Variants in IL1RAPL2 observed in about 807,000 individuals in gnomAD.
IL1RAPL2 encodes X-linked interleukin-1 receptor accessory protein-like 2.
In IL1RAPL2, 3 loss-of-function variants were observed where a neutral mutation model predicts 44.1. The ratio of observed to expected loss-of-function variants is 0.07; its 90% confidence interval spans 0.03 to 0.18. The LOEUF (loss-of-function observed/expected upper bound fraction) is 0.18. IL1RAPL2 is among the 10% of genes least tolerant of loss of function. The probability of loss-of-function intolerance (pLI) is 1.00; values close to 1 mark genes in which losing one functional copy is unlikely to be tolerated. For missense variants in IL1RAPL2, 391 were observed against 496.4 expected (o/e 0.79, Z 2.02); for synonymous variants, 181 against 178.8 (o/e 1.01, Z -0.10).
At chrX:104,752,280 AGTGT>A (rs754089849) in intron 2 of IL1RAPL2, among the ~76,000 whole-genome samples, 2,302 of 106,053 alleles carry the variant, frequency 0.022, 29 homozygotes, top group Non-Finnish European at 0.033. Context: ...TTGGCGTGAG[AGTGT>A]GTGTGTGTGT....
chrX:105,269,415 A>G lies in IL1RAPL2; in HGVS notation c.697+1874A>G, dbSNP rs140923076. ...TATTTTTAATAAACTAATATATAAT[A>G]TACATATATATTACTTCACTCTCTG... On this transcript the variant is annotated intron_variant, in intron 5 of 10. Transcript: ENST00000372582. Among the ~76,000 whole-genome samples, 494 of 110,636 alleles carry G rather than the reference A, an allele frequency of 4.5e-3. 5 individuals carry two copies. Among genetic ancestry groups the G allele is most frequent in the African/African-American group, 0.015 (462 of 30,620 alleles).
At chrX:105,075,141 C>T (rs1212704488) in intron 2 of IL1RAPL2, among the ~76,000 whole-genome samples, 7 of 110,999 alleles carry the variant, frequency 6.3e-5, no homozygotes, top group Non-Finnish European at 5.7e-5. Context: ...GGAATGCTTC[C>T]AGTTTTTGCC....
chrX:104,969,878 G>A (rs2030198683), intron 2 of IL1RAPL2, among the ~76,000 whole-genome samples: 1 of 111,452 alleles, frequency 9.0e-6, no homozygotes, highest in Non-Finnish European at 1.9e-5. Context: ...AAGCTTTTGT[G>A]AAATTGTGTA....
intron 6 of IL1RAPL2, among the ~76,000 whole-genome samples, chrX:105,553,020 A>G (rs2036869847): frequency 8.9e-6 from 1 of 111,896 alleles, no homozygotes; most frequent in African/African-American, 3.3e-5. Flanking sequence ...AGTAAGAAAA[A>G]AATTGTAAGA....
intron 5 of IL1RAPL2, among the ~76,000 whole-genome samples, chrX:105,362,049 T>C (rs2035251750): frequency 8.9e-6 from 1 of 111,972 alleles, no homozygotes; most frequent in East Asian, 2.8e-4. Flanking sequence ...ATTATGTCAT[T>C]TGCTGAATTC....
intron 2 of IL1RAPL2, among the ~76,000 whole-genome samples, chrX:104,808,300 TATC>T (rs752973839): frequency 8.9e-6 from 1 of 111,991 alleles, no homozygotes; most frequent in Non-Finnish European, 1.9e-5. Context: ...TTTTTCATAT[TATC>T]ATAACCCTCT....
chrX:104,694,518 G>C (rs1211068971), intron 2 of IL1RAPL2, among the ~76,000 whole-genome samples: 1 of 111,818 alleles, frequency 8.9e-6, no homozygotes, highest in Non-Finnish European at 1.9e-5. Context: ...TTTGTAGATG[G>C]GAGAGAGATT....
chrX:104,613,193 G>A (rs1445464611), intron 1 of IL1RAPL2, among the ~76,000 whole-genome samples: 1 of 111,054 alleles, frequency 9.0e-6, no homozygotes, highest in Non-Finnish European at 1.9e-5. Context: ...GATATGGCTA[G>A]GACTATAATG....
chrX:104,875,152 A>C (rs1922869176), intron 2 of IL1RAPL2, among the ~76,000 whole-genome samples: 1 of 111,899 alleles, frequency 8.9e-6, no homozygotes, highest in South Asian at 3.8e-4. Flanking sequence ...AACCTGAAGT[A>C]CATTTTTCTC....
At chrX:104,905,081 T>G (rs1429553068) in intron 2 of IL1RAPL2, among the ~76,000 whole-genome samples, 1 of 111,612 alleles carries the variant, frequency 9.0e-6, no homozygotes, top group Non-Finnish European at 1.9e-5. Context: ...TCATGTGTTT[T>G]TTGGCTGCAT....
chrX:104,932,093 G>A (rs1426260149), intron 2 of IL1RAPL2, among the ~76,000 whole-genome samples: 3 of 105,996 alleles, frequency 2.8e-5, no homozygotes. Flanking sequence ...CCAGGTTCAA[G>A]TGGTTCTCCT....
chrX:105,048,436 ATAAAAT>A (rs1172073124), intron 2 of IL1RAPL2, among the ~76,000 whole-genome samples: 16 of 112,470 alleles, frequency 1.4e-4, no homozygotes, highest in Admixed American at 5.7e-4. Context: ...ACTAAAAAAT[ATAAAAT>A]AAAACAAGTA....
At chrX:104,629,505 C>T (rs753226370) in intron 1 of IL1RAPL2, among the ~76,000 whole-genome samples, 1 of 111,698 alleles carries the variant, frequency 9.0e-6, no homozygotes, top group South Asian at 3.7e-4. Flanking sequence ...TTTCTTGTTT[C>T]CTTTGCTGTC....
chrX:104,958,454 C>T (rs139464886), intron 2 of IL1RAPL2, among the ~76,000 whole-genome samples: 1,406 of 106,149 alleles, frequency 0.013, 11 homozygotes, highest in Non-Finnish European at 0.021. Flanking sequence ...TGGGTTGCTG[C>T]TTAGGTAATT....
chrX:104,910,595 T>G (rs1481418243), intron 2 of IL1RAPL2, among the ~76,000 whole-genome samples: 1 of 111,954 alleles, frequency 8.9e-6, no homozygotes, highest in Non-Finnish European at 1.9e-5. Flanking sequence ...TAATGTATTT[T>G]AAATACCTGA....
chrX:105,042,711 A>T (rs1222436122), intron 2 of IL1RAPL2, among the ~76,000 whole-genome samples: 1 of 105,047 alleles, frequency 9.5e-6, no homozygotes, highest in African/African-American at 3.5e-5. Flanking sequence ...CATTTGACCC[A>T]GCCATCCCAT....
chrX:104,633,620 T>A (rs1433728520), intron 1 of IL1RAPL2, among the ~76,000 whole-genome samples: 7 of 112,235 alleles, frequency 6.2e-5, no homozygotes, highest in Non-Finnish European at 1.1e-4. Flanking sequence ...TTTTCTAGTT[T>A]ATTTGCATAG....
intron 1 of IL1RAPL2, among the ~76,000 whole-genome samples, chrX:104,569,255 C>T (rs1288132395): frequency 8.9e-6 from 1 of 112,053 alleles, no homozygotes; most frequent in Non-Finnish European, 1.9e-5. Context: ...AGCAATTGGC[C>T]ATTTTTAGTT....
intron 2 of IL1RAPL2, among the ~76,000 whole-genome samples, chrX:104,938,121 A>T (rs940932985): frequency 8.9e-6 from 1 of 112,399 alleles, no homozygotes; most frequent in Non-Finnish European, 1.9e-5. Context: ...AATATTGAAA[A>T]CATTACAATC....
Sources: allele counts gnomAD v4.1 joint callset (sites outside exome capture counted in the v4.1 genomes callset), GRCh38; gene constraint gnomAD v4.1.1; transcripts MANE v1.5; gene names NCBI Gene and HGNC (gene_info 2026-07-23, HGNC 2026-07-21).